Variants in LYST observed in about 807,000 individuals in gnomAD.
LYST encodes lysosomal-trafficking regulator.
A neutral mutation model predicts 413.6 loss-of-function variants in LYST; 192 were observed. That is an observed-to-expected ratio of 0.46 (90% CI 0.41 to 0.52). LYST has a LOEUF of 0.52. LYST is among the 20% of genes least tolerant of loss of function. The pLI is 0.00. For synonymous variants in LYST, 1,525 were observed against 1,567.3 expected (o/e 0.97, Z 0.64); for missense variants, 3,815 against 4,499.9 (o/e 0.85, Z 4.35).
At chr1:235,736,157 T>C (rs1664799881) in intron 31 of LYST, 1 of 152,142 alleles carries the variant, frequency 6.6e-6, no homozygotes, top group South Asian at 2.1e-4. Flanking sequence ...CTGATGATCA[T>C]TTCAGGGACT....
intron 26 of LYST, 84 bp from the exon 27 acceptor site, chr1:235,752,255 G>C (rs1012843176): frequency 1.4e-5 from 14 of 1,032,452 alleles, no homozygotes; most frequent in Non-Finnish European, 1.5e-5. Context: ...TGATTTAAAT[G>C]GTTTAAATTC....
At chr1:235,876,745 A>G (rs992944640) in intron 1 of LYST, among the ~76,000 whole-genome samples, 18 of 152,252 alleles carry the variant, frequency 1.2e-4, no homozygotes, top group African/African-American at 4.3e-4. Flanking sequence ...CCAGCTCACT[A>G]CATAAGCTAA....
intron 50 of LYST, among the ~76,000 whole-genome samples, chr1:235,671,610 G>C (rs1479355683): frequency 1.3e-5 from 2 of 152,114 alleles, no homozygotes; most frequent in African/African-American, 4.8e-5. Context: ...AATATTTAGG[G>C]AAAAAGCATT....
chr1:235,800,361 C>A lies in LYST; in HGVS notation c.3965G>T (p.Gly1322Val), dbSNP rs761149802. Reference sequence around the variant, plus strand: ...ATCCTGTGTTAAAATACTCAAGAACCCTCCTAAAAGATTTTTCACAGTTCC... The same window carrying A: ...ATCCTGTGTTAAAATACTCAAGAACACTCCTAAAAGATTTTTCACAGTTCC... ...QQGTVKNLLG[G>V]FLSILTQDDS... The change falls in exon 10 of 53, where the codon GGG becomes GTG. Residue 1322 changes from glycine to valine, a missense_variant. By Grantham distance (109) the Gly-to-Val change is moderately radical. Coordinates refer to ENST00000389793, the MANE Select transcript of LYST (RefSeq NM_000081.4). The A allele has an allele frequency of 2.5e-6, 4 of 1,594,526 alleles. No homozygotes were observed. Among genetic ancestry groups the A allele is most frequent in the Non-Finnish European group, 3.4e-6 (4 of 1,162,724 alleles).
chr1:235,764,937 T>G (rs1667984066), intron 21 of LYST, among the ~76,000 whole-genome samples: 1 of 152,220 alleles, frequency 6.6e-6, no homozygotes, highest in Non-Finnish European at 1.5e-5. Flanking sequence ...AAAAACTGAT[T>G]ATTCCATCTT....
At chr1:235,763,170 T>C (rs1001778018) in intron 21 of LYST, among the ~76,000 whole-genome samples, 1 of 152,224 alleles carries the variant, frequency 6.6e-6, no homozygotes, top group Non-Finnish European at 1.5e-5. Context: ...TCAAGGGAGA[T>C]TGTTCATCCT....
In LYST at chr1:235,790,008, C is replaced by T. The variant is rs151183836; in HGVS notation, c.4544-1163G>A. Among the ~76,000 whole-genome samples, 746 of 152,150 alleles carry T rather than the reference C, an allele frequency of 4.9e-3. 6 individuals carry two copies. The highest frequency in any genetic ancestry group is 0.016 in the African/African-American group (678 of 41,514). On this transcript the variant is annotated intron_variant, in intron 12 of 52. Transcript: ENST00000389793. Reference sequence around the variant, plus strand: ...AGTTTAGAGGTAAAAGGTATGATATCGCAGCAAAATATTCTTTATCTCTCT... The same window carrying T: ...AGTTTAGAGGTAAAAGGTATGATATTGCAGCAAAATATTCTTTATCTCTCT...
rs113418101 is a variant in LYST at position 235,744,009 on chromosome 1, T to A, written c.8121A>T (p.Thr2707=). The A allele has an allele frequency of 6.6e-7, 1 of 1,508,764 alleles. No individual in the cohort carries two copies. Among genetic ancestry groups the A allele is most frequent in the Non-Finnish European group, 9.2e-7 (1 of 1,085,728 alleles). 93.5% of individuals were successfully genotyped at this position (1,508,764 alleles called of 1,614,324 possible). ...VFNPFQKEIF[T]YLVEGFKVSI... is the part of the protein sequence containing the mutation. ...ATACTTTGAATCCTTCTACCAGATA[T>A]GTAAAAATTTCTTTCTGAAATGGAT... The change falls in exon 30 of 53, where the codon ACA becomes ACT. Residue 2707 remains threonine, a synonymous_variant. Transcript: ENST00000389793.
At position 235,715,209 on chromosome 1, in the gene LYST, G is replaced by C; in HGVS notation, c.9776C>G (p.Ala3259Gly). Residue 3259 changes from alanine (A) to glycine (G), a missense_variant, in exon 42 of 53, where the codon GCC (alanine) becomes GGC (glycine). Ala to Gly is a moderately conservative substitution (Grantham distance 60). Transcript: ENST00000389793. Reference protein sequence around the residue: ...RMPPFTKMFLAYQDQSFDIPD... With the variant: ...RMPPFTKMFLGYQDQSFDIPD... ...AGTTATTAAATTCTTACCTTGATAG[G>C]CTAAAAACATTTTAGTGAAAGGAGG... is the stretch of plus-strand genomic sequence containing the variant. The C allele has an allele frequency of 6.2e-7, 1 of 1,613,742 alleles. No homozygotes were observed. Among genetic ancestry groups the C allele is most frequent in the Non-Finnish European group, 8.5e-7 (1 of 1,179,776 alleles).
chr1:235,688,091 A>G (rs1426041097), intron 47 of LYST, among the ~76,000 whole-genome samples: 2 of 152,334 alleles, frequency 1.3e-5, no homozygotes, highest in Non-Finnish European at 2.9e-5. Flanking sequence ...GATACTTCAT[A>G]AATTTTATTC....
In LYST at chr1:235,794,336, A is replaced by T. The variant is rs575334802; in HGVS notation, c.4007-724T>A. ...ATGACAAGTAGTGGAAATATTAAAG[A>T]TGATTTAAATACTTAAATACCACAA... On this transcript the variant is annotated intron_variant, in intron 10 of 52. Transcript: ENST00000389793. 3.3e-5 allele frequency among the ~76,000 whole-genome samples: 5 copies of T among 152,338 alleles called. No homozygotes were observed. The South Asian group carries it at 1.0e-3, about 32-fold the overall frequency.
chr1:235,668,663 A>T (rs1328275371), intron 50 of LYST, among the ~76,000 whole-genome samples: 1 of 152,242 alleles, frequency 6.6e-6, no homozygotes, highest in African/African-American at 2.4e-5. Context: ...AACTTTACAA[A>T]ATTCAACTCC....
At chr1:235,785,777 C>G in intron 14 of LYST, among the ~76,000 whole-genome samples, 1 of 152,222 alleles carries the variant, frequency 6.6e-6, no homozygotes, top group African/African-American at 2.4e-5. Context: ...TTCGAATTCT[C>G]TATCTTCTTT....
In LYST at chr1:235,809,473, C is replaced by A; in HGVS notation, c.1345G>T (p.Val449Phe). The A allele has an allele frequency of 6.2e-7, 1 of 1,613,940 alleles. No homozygotes were observed. The highest frequency in any genetic ancestry group is 8.5e-7 in the Non-Finnish European group (1 of 1,179,896). Residue 449 changes from valine to phenylalanine, a missense_variant, in exon 5 of 53, where the codon GTT becomes TTT. Val to Phe is a conservative substitution (Grantham distance 50). Transcript: ENST00000389793. This position sits in a 1 kb window ranked among gnomAD's most constrained non-coding sequence, Gnocchi z 4.0. ...HHGFNLFETAVLQMEWLVLRD... is the reference protein window; with the variant it reads ...HHGFNLFETAFLQMEWLVLRD... ...AAAACCAGCCATTCCATTTGAAGAA[C>A]TGCTGTTTCAAATAAATTAAATCCA...
intron 1 of LYST, among the ~76,000 whole-genome samples, chr1:235,837,986 G>A (rs1676750350): frequency 6.6e-6 from 1 of 152,184 alleles, no homozygotes; most frequent in Non-Finnish European, 1.5e-5. Context: ...TAGGAACAAT[G>A]AGTAGGCAAA....
intron 7 of LYST, 24 bp from the exon 8 acceptor site, chr1:235,803,088 G>A (rs768216263): frequency 1.9e-6 from 3 of 1,599,706 alleles, no homozygotes; most frequent in East Asian, 4.5e-5. Flanking sequence ...TAATTCAAAG[G>A]TTGTAACATT....
intron 24 of LYST, among the ~76,000 whole-genome samples, chr1:235,757,014 T>C (rs913717000): frequency 6.6e-6 from 1 of 152,072 alleles, no homozygotes; most frequent in African/African-American, 2.4e-5. Context: ...AAAAGACATA[T>C]TGATATGAAC....
Position 235,730,605 on chromosome 1 carries a change from GTGTGTGTGTA to G in LYST, c.9044+232_9044+241del, listed in dbSNP as rs754914593. ...TGTGTGTGTGTGTGTGTGTGTGTGT[GTGTGTGTGTA>G]TATGTAAACTAACAAGGGCCAGAAC... On this transcript the variant is annotated intron_variant, in intron 36 of 52. Coordinates refer to ENST00000389793, the MANE Select transcript of LYST (RefSeq NM_000081.4). Among the ~76,000 whole-genome samples the G allele has an allele frequency of 1.0e-3, 90 of 89,148 alleles. 1 individual carries two copies. The highest frequency in any genetic ancestry group is 3.7e-3 in the Admixed American group (33 of 9,006). The allele number at this position is 89,148 out of a possible 152,430, so 58.5% of individuals were successfully genotyped here.
At chr1:235,880,847 C>G (rs1283320416) in intron 1 of LYST, among the ~76,000 whole-genome samples, 2 of 152,066 alleles carry the variant, frequency 1.3e-5, no homozygotes, top group Admixed American at 1.3e-4. Flanking sequence ...ATTTAGCGGC[C>G]GGGCACGGTG....
Sources: gnomAD v4.1 joint callset for allele counts (sites outside exome capture counted in the v4.1 genomes callset) on GRCh38, gnomAD v4.1.1 for gene constraint, Gnocchi (gnomAD v3.1) non-coding constraint, MANE v1.5 for transcripts, NCBI Gene and HGNC (gene_info 2026-07-23, HGNC 2026-07-21) for gene names.